The following WDR5 variants were observed in gnomAD, a reference collection of about 807,000 sequenced individuals.
WDR5 encodes WD repeat domain 5.
For synonymous variants in WDR5, 144 were observed against 161.6 expected, an observed-to-expected ratio of 0.89 and a Z score of 0.83; for missense variants, 187 against 416.9, an observed-to-expected ratio of 0.45 and a Z score of 4.80.
At chr9:134,148,185 T>C (rs940936376) in intron 7 of WDR5, 103 bp from the exon 8 acceptor site, 4 of 723,086 alleles carry the variant, frequency 5.5e-6, no homozygotes, top group Admixed American at 6.3e-5. Context: ...CATAACTCAG[T>C]CTTTTTTTTT....
At position 134,139,969 on chromosome 9, in the gene WDR5, A is replaced by C. The variant is rs761004326; in HGVS notation, c.81+11A>C. 1.2e-6 allele frequency: 2 copies of C among 1,613,636 alleles called. No individual in the cohort carries two copies. The highest frequency in any genetic ancestry group is 1.7e-6 in the Non-Finnish European group (2 of 1,179,974). ...GCCACTCAGAGCAAGGTGCGTGCCC[A>C]GGGGCCCCTTGGACACCTTCCGGGG... On this transcript the variant is annotated intron_variant, in intron 2 of 13. Transcript: ENST00000358625.
At chr9:134,151,821 G>T (rs968890794) in intron 8 of WDR5, among the ~76,000 whole-genome samples, 162 bp from the exon 9 acceptor site, 2 of 152,132 alleles carry the variant, frequency 1.3e-5, no homozygotes, top group Non-Finnish European at 2.9e-5. Flanking sequence ...TTTAGTCTTT[G>T]TCCCTAGAAT....
chr9:134,143,508 G>A (rs374532711), intron 7 of WDR5, among the ~76,000 whole-genome samples: 4 of 151,648 alleles, frequency 2.6e-5, no homozygotes, highest in South Asian at 2.1e-4. Flanking sequence ...ACCACTGCCT[G>A]GGTGACGAGA....
chr9:134,136,441 C>T (rs1831561009), intron 1 of WDR5, among the ~76,000 whole-genome samples: 1 of 151,982 alleles, frequency 6.6e-6, no homozygotes, highest in South Asian at 2.1e-4. Flanking sequence ...CCACCTCCGC[C>T]TCCCCGGCGG....
intron 2 of WDR5, among the ~76,000 whole-genome samples, chr9:134,140,324 G>C (rs1831816188): frequency 6.6e-6 from 1 of 152,170 alleles, no homozygotes; most frequent in Non-Finnish European, 1.5e-5. Context: ...TTCAGTGTTC[G>C]GGGTCGGAGG....
intron 3 of WDR5, among the ~76,000 whole-genome samples, 155 bp from the exon 4 acceptor site, chr9:134,141,355 T>G (rs1202493847): frequency 2.0e-5 from 3 of 152,074 alleles, no homozygotes; most frequent in Non-Finnish European, 4.4e-5. Context: ...AGGGGACTGG[T>G]CCTCTCAGGC....
chr9:134,147,468 T>C (rs1276863984), intron 7 of WDR5, among the ~76,000 whole-genome samples: 1 of 152,172 alleles, frequency 6.6e-6, no homozygotes, highest in East Asian at 1.9e-4. Flanking sequence ...GCTATAGGCA[T>C]CTAGTGAGCA....
In WDR5 at chr9:134,142,520, C is replaced by G. The variant is rs533340615; in HGVS notation, c.444+98C>G. The G allele has an allele frequency of 1.3e-4, 208 of 1,555,078 alleles. 1 individual carries two copies. The South Asian group carries it at 2.2e-3, about 16-fold the overall frequency. On this transcript the variant is annotated intron_variant, in intron 6 of 13. Transcript: ENST00000358625. ...GCCACTGTGGAGAAGGCAGGTGGGC[C>G]CTGAGTCCTTTCTGTGCTGTTTGTG...
chr9:134,136,065 T>TCGCGCA (rs1239419657), upstream of WDR5: 1 of 14,616 alleles, frequency 6.8e-5, no homozygotes. Context: ...CCCCCTCCCC[T>TCGCGCA]CGCGCACGCG....
At chr9:134,147,522 C>G (rs1408585984) in intron 7 of WDR5, among the ~76,000 whole-genome samples, 1 of 152,124 alleles carries the variant, frequency 6.6e-6, no homozygotes. Flanking sequence ...CACCCTGTCC[C>G]CCCCGGAAGA....
At position 134,154,319 on chromosome 9, in the gene WDR5, G is replaced by A. The variant is rs1009721908; in HGVS notation, c.632-147G>A. 4.5e-5 allele frequency: 37 copies of A among 815,412 alleles called. No homozygotes were observed. The Admixed American group carries it at 6.8e-4, about 15-fold the overall frequency. 50.5% of individuals were successfully genotyped at this position (815,412 alleles called of 1,614,324 possible). A position where few individuals can be genotyped will look rare whatever the true frequency, so the allele number is the denominator to read the frequency against. On this transcript the variant is annotated intron_variant, in intron 9 of 13. Coordinates refer to ENST00000358625, the MANE Select transcript of WDR5 (RefSeq NM_017588.3). ...TGTGCGTGGCTAGGCCACCCTTCGG[G>A]GCGGCGAGGGGTGGTGGTGCTGGCA...
intron 1 of WDR5, among the ~76,000 whole-genome samples, chr9:134,137,683 AC>A (rs1831646095): frequency 3.1e-5 from 4 of 128,396 alleles, no homozygotes; most frequent in Non-Finnish European, 5.1e-5. Flanking sequence ...AAAAACAAAA[AC>A]AAAAAAAAAA....
At chr9:134,145,951 T>G (rs28501302) in intron 7 of WDR5, among the ~76,000 whole-genome samples, 7 of 119,762 alleles carry the variant, frequency 5.8e-5, no homozygotes, top group African/African-American at 2.0e-4. Context: ...TTTTTTTTTT[T>G]GTTTTTTAAT....
chr9:134,152,174 T>C (rs1832528927), intron 9 of WDR5, 145 bp downstream of exon 9: 1 of 957,306 alleles, frequency 1.0e-6, no homozygotes, highest in South Asian at 1.6e-5. Flanking sequence ...GTCCGACCGT[T>C]CCGCCAGCTC....
rs1347540196 is a variant in WDR5, at chr9:134,159,072, C to A, written c.*1079C>A. ...GGGGTTGGGTGCTAAGCGCGAGCCTCGCCGTCCCTGCTGGAGCCCTCGCCT... is the reference window on the plus strand; with the variant it reads ...GGGGTTGGGTGCTAAGCGCGAGCCTAGCCGTCCCTGCTGGAGCCCTCGCCT... On this transcript the variant is annotated 3_prime_UTR_variant, in exon 14 of 14. Coordinates refer to ENST00000358625, the MANE Select transcript of WDR5 (RefSeq NM_017588.3). This position sits in a 1 kb window ranked among gnomAD's most constrained non-coding sequence, Gnocchi z 4.3. The A allele has an allele frequency of 6.6e-6, 1 of 151,810 alleles. No individual in the cohort carries two copies. The highest frequency in any genetic ancestry group is 2.4e-5 in the African/African-American group (1 of 40,818). The allele number at this position is 151,810 out of a possible 1,614,324, so 9.4% of individuals were successfully genotyped here.
intron 3 of WDR5, among the ~76,000 whole-genome samples, chr9:134,141,281 G>A (rs755583471): frequency 1.8e-4 from 27 of 152,070 alleles, no homozygotes; most frequent in Non-Finnish European, 2.9e-4. Context: ...GCCAGACACC[G>A]TCTCAGAAAA....
At chr9:134,151,459 A>C (rs1399851882) in intron 8 of WDR5, among the ~76,000 whole-genome samples, 1 of 152,236 alleles carries the variant, frequency 6.6e-6, no homozygotes, top group East Asian at 1.9e-4. Context: ...TGCTTCCAGA[A>C]TGCGTCTGTA....
chr9:134,155,501 G>A, intron 11 of WDR5, 128 bp downstream of exon 11: 2 of 1,375,446 alleles, frequency 1.5e-6, no homozygotes, highest in Non-Finnish European at 2.0e-6. Flanking sequence ...TGGGTTTGGT[G>A]CGAATTCCTG....
Position 134,139,700 on chromosome 9 carries a change from T to C in WDR5, c.-58-120T>C. 3 of 640,538 alleles carry C rather than the reference T, an allele frequency of 4.7e-6. No homozygotes were observed. In the South Asian group the frequency reaches 5.9e-5, roughly 13 times the overall value. 39.7% of individuals were successfully genotyped at this position (640,538 alleles called of 1,614,324 possible). A position where few individuals can be genotyped will look rare whatever the true frequency, so the allele number is the denominator to read the frequency against. On this transcript the variant is annotated intron_variant, in intron 1 of 13. Transcript: ENST00000358625. Reference sequence around the variant, plus strand: ...ATAGGGTCCTCAATTTGGAATGGTTTGTTTGCTACAGGGCTCAATATGGTA... The same window carrying C: ...ATAGGGTCCTCAATTTGGAATGGTTCGTTTGCTACAGGGCTCAATATGGTA...
Sources: gnomAD v4.1 joint callset for allele counts (sites outside exome capture counted in the v4.1 genomes callset) on GRCh38, gnomAD v4.1.1 for gene constraint, Gnocchi (gnomAD v3.1) non-coding constraint, MANE v1.5 for transcripts, NCBI Gene and HGNC (gene_info 2026-07-23, HGNC 2026-07-21) for gene names.